ATG3: variants seen among roughly 807,000 people sequenced by gnomAD.
The protein encoded by ATG3 is autophagy related 3.
In ATG3, 25 loss-of-function variants were observed where a neutral mutation model predicts 50.7. That is an observed-to-expected ratio of 0.49 (90% CI 0.36 to 0.69). The LOEUF (loss-of-function observed/expected upper bound fraction) is 0.69. ATG3 is among the 30% of genes least tolerant of loss of function. ATG3 has a pLI of 0.00. For synonymous variants in ATG3, 119 were observed against 125.5 expected, an observed-to-expected ratio of 0.95 and a Z score of 0.34; for missense variants, 281 against 376.0, an observed-to-expected ratio of 0.75 and a Z score of 2.09.
intron 10 of ATG3, chr3:112,534,718 G>A (rs1932978068): frequency 6.6e-6 from 1 of 151,496 alleles, no homozygotes; most frequent in African/African-American, 2.4e-5. Context: ...ATCATTCCAG[G>A]AGAAAATGTG....
At chr3:112,536,678 G>T (rs1933057495) in intron 9 of ATG3, 76 bp from the exon 10 acceptor site, 19 of 1,503,246 alleles carry the variant, frequency 1.3e-5, no homozygotes, top group Non-Finnish European at 1.6e-5. Flanking sequence ...TCCCAGCACT[G>T]TGGGAGACTG....
intron 7 of ATG3, among the ~76,000 whole-genome samples, chr3:112,540,523 A>AG: frequency 6.6e-6 from 1 of 152,186 alleles, no homozygotes; most frequent in Non-Finnish European, 1.5e-5. Flanking sequence ...CTCACAAAGT[A>AG]CTGGATGTAA....
chr3:112,541,875 T>A lies in ATG3; in HGVS notation c.403A>T (p.Arg135Trp). Residue 135 changes from arginine to tryptophan, a missense_variant, in exon 7 of 12, where the codon AGG becomes TGG. By Grantham distance (101) the Arg-to-Trp change is moderately radical. This residue lies in a region of ATG3 where 242 missense variants were observed against 305.0 expected (regional missense o/e 0.79). Transcript: ENST00000283290. ...CATAGTGCTGAGCAATCTTGAAGCC[T>A]TATATTGTCCTTTGAAATTAATTAT... ...EITLENKDNI[R>W]LQDCSALCEE... 1 of 1,610,216 alleles carries A rather than the reference T, an allele frequency of 6.2e-7. No homozygotes were observed. Among genetic ancestry groups the A allele is most frequent in the South Asian group, 1.1e-5 (1 of 90,590 alleles).
At chr3:112,556,768 G>A (rs979550419) in intron 2 of ATG3, among the ~76,000 whole-genome samples, 7 of 151,982 alleles carry the variant, frequency 4.6e-5, no homozygotes, top group East Asian at 1.9e-4. Flanking sequence ...TGTCCACTCA[G>A]GGTTGAATGG....
intron 5 of ATG3, among the ~76,000 whole-genome samples, chr3:112,546,978 G>A (rs1933385864): frequency 6.6e-6 from 1 of 152,172 alleles, no homozygotes; most frequent in African/African-American, 2.4e-5. Flanking sequence ...CTGAATCTTT[G>A]CCTATAACTC....
chr3:112,558,628 TG>T (rs1256219043), intron 1 of ATG3, among the ~76,000 whole-genome samples: 3 of 152,186 alleles, frequency 2.0e-5, no homozygotes, highest in African/African-American at 4.8e-5. Flanking sequence ...TTTCACTCAC[TG>T]GTAATGACCA....
intron 7 of ATG3, 51 bp downstream of exon 7, chr3:112,541,752 A>G: frequency 6.9e-7 from 1 of 1,454,826 alleles, no homozygotes; most frequent in Non-Finnish European, 9.6e-7. Flanking sequence ...AATTACAAAT[A>G]TTCTAAATCA....
chr3:112,549,837 ATT>A lies in ATG3; in HGVS notation c.235+353_235+354del, dbSNP rs1364780418. ...AAAAAACCACTACCTGTTTCAAAAT[ATT>A]TTTGTGTCCTTCAATGACACAACGG... On this transcript the variant is annotated intron_variant, in intron 4 of 11. Transcript: ENST00000283290. Among the ~76,000 whole-genome samples the A allele has an allele frequency of 4.0e-5, 6 of 151,144 alleles. No homozygotes were observed. The East Asian group carries it at 9.7e-4, about 24-fold the overall frequency.
At chr3:112,540,544 ATCTT>A (rs1176437230) in intron 7 of ATG3, among the ~76,000 whole-genome samples, 2 of 152,068 alleles carry the variant, frequency 1.3e-5, no homozygotes, top group African/African-American at 2.4e-5. Flanking sequence ...TTTATACTCT[ATCTT>A]TCTTGTTGCA....
chr3:112,549,654 C>T (rs61596705), intron 4 of ATG3, among the ~76,000 whole-genome samples: 2,518 of 152,032 alleles, frequency 0.017, 73 homozygotes, highest in African/African-American at 0.057. Flanking sequence ...ACTAAAAATA[C>T]AAAAATTAGC....
intron 11 of ATG3, chr3:112,533,870 T>C: frequency 1.0e-6 from 1 of 1,001,400 alleles, no homozygotes; most frequent in Non-Finnish European, 1.2e-6. Flanking sequence ...TACTTTTAAT[T>C]AACGTATTTG....
intron 11 of ATG3, chr3:112,533,233 C>T: frequency 2.0e-6 from 2 of 985,064 alleles, no homozygotes; most frequent in Non-Finnish European, 2.4e-6. Flanking sequence ...TATGTATTTG[C>T]CAAAGACTGA....
intron 1 of ATG3, among the ~76,000 whole-genome samples, 172 bp downstream of exon 1, chr3:112,561,285 A>C (rs897027644): frequency 1.3e-5 from 2 of 152,092 alleles, no homozygotes; most frequent in African/African-American, 4.8e-5. Flanking sequence ...AGAAAGCCCT[A>C]ACGAACAGCC....
chr3:112,561,347 T>G, intron 1 of ATG3, 110 bp downstream of exon 1: 3 of 1,144,532 alleles, frequency 2.6e-6, no homozygotes, highest in South Asian at 2.6e-5. Flanking sequence ...CGAGCCCTAC[T>G]GCCTTCCTAC....
In ATG3 at chr3:112,534,345, C is replaced by CAAA; in HGVS notation, c.795-9_795-8insTTT. On this transcript the variant is annotated splice_polypyrimidine_tract_variant and intron_variant, in intron 10 of 11. Transcript: ENST00000283290. ...TTCATCACCTCAGCATGCCTAGAAG[C>CAAA]CAAAAAAAAAAAAAATTGTTAATGT... The CAAA allele has an allele frequency of 7.7e-7, 1 of 1,293,290 alleles. No homozygotes were observed. Among genetic ancestry groups the CAAA allele is most frequent in the Non-Finnish European group, 9.8e-7 (1 of 1,023,428 alleles). 80.1% of individuals were successfully genotyped at this position (1,293,290 alleles called of 1,614,324 possible). A position where few individuals can be genotyped will look rare whatever the true frequency, so the allele number is the denominator to read the frequency against.
At chr3:112,550,400 G>T in intron 3 of ATG3, 138 bp from the exon 4 acceptor site, 1 of 671,706 alleles carries the variant, frequency 1.5e-6, no homozygotes, top group Admixed American at 3.0e-5. Context: ...ATTTGGGAAG[G>T]ACTCCATTAA....
chr3:112,543,911 A>G (rs1933298836), intron 6 of ATG3, 146 bp downstream of exon 6: 1 of 532,942 alleles, frequency 1.9e-6, no homozygotes, highest in African/African-American at 1.9e-5. Flanking sequence ...ATGGGGAAGA[A>G]AACAGCTGGA....
chr3:112,533,760 A>T (rs933817184), intron 11 of ATG3: 1 of 985,392 alleles, frequency 1.0e-6, no homozygotes, highest in Non-Finnish European at 1.2e-6. Flanking sequence ...AAGAAAACTG[A>T]GTAGGAAAAC....
At position 112,550,235 on chromosome 3, in the gene ATG3, C is replaced by T; in HGVS notation, c.192G>A (p.Lys64=). 6.2e-7 allele frequency: 1 copy of T among 1,612,792 alleles called. No homozygotes were observed. Among genetic ancestry groups the T allele is most frequent in the Non-Finnish European group, 8.5e-7 (1 of 1,179,458 alleles). Residue 64 remains lysine, a synonymous_variant, in exon 4 of 12, where the codon AAG becomes AAA. Coordinates refer to ENST00000283290, the MANE Select transcript of ATG3 (RefSeq NM_022488.5). ...QWATGEELKV[K]AYLPTGKQFL... ...ATTGTTTGCCTGTTGGTAGGTATGCCTTCACTTTCAATTCTTCCCCTGTAG... is the reference window on the plus strand; with the variant it reads ...ATTGTTTGCCTGTTGGTAGGTATGCTTTCACTTTCAATTCTTCCCCTGTAG...
Sources: gnomAD v4.1 joint callset for allele counts (sites outside exome capture counted in the v4.1 genomes callset) on GRCh38, gnomAD v4.1.1 for gene constraint, gnomAD v4.1.1 regional missense constraint, MANE v1.5 for transcripts, NCBI Gene and HGNC (gene_info 2026-07-23, HGNC 2026-07-21) for gene names.